The following TBC1D5 variants were observed in gnomAD, a reference collection of about 807,000 sequenced individuals.
The protein encoded by TBC1D5 is TBC1 domain family, member 5.
Under a neutral mutation model 100.3 loss-of-function variants are expected in TBC1D5, and 75 were observed. The ratio of observed to expected loss-of-function variants is 0.75; its 90% CI spans 0.62 to 0.91. TBC1D5 has a LOEUF of 0.91. Among genes scored for constraint, TBC1D5 ranks in the 40% least tolerant of loss-of-function variants. The pLI is 0.00. For synonymous variants in TBC1D5, 323 were observed against 325.6 expected (o/e 0.99, Z 0.09); for missense variants, 910 against 942.4 (o/e 0.97, Z 0.45).
intron 2 of TBC1D5, among the ~76,000 whole-genome samples, chr3:17,611,363 A>G (rs1404617031): frequency 6.6e-6 from 1 of 152,172 alleles, no homozygotes; most frequent in Non-Finnish European, 1.5e-5. Flanking sequence ...GTGTTTAAAG[A>G]TCTAGAACAA....
At chr3:17,300,734 G>C (rs1054356733) in intron 14 of TBC1D5, among the ~76,000 whole-genome samples, 5 of 152,312 alleles carry the variant, frequency 3.3e-5, no homozygotes, top group Admixed American at 2.6e-4. Context: ...CAAAGAGAAA[G>C]TACATTTAAA....
At chr3:17,400,502 A>C (rs751370968) in intron 8 of TBC1D5, among the ~76,000 whole-genome samples, 3 of 152,176 alleles carry the variant, frequency 2.0e-5, no homozygotes, top group Non-Finnish European at 2.9e-5. Context: ...GACTTAATCT[A>C]AATGTGGAGA....
intron 1 of TBC1D5, among the ~76,000 whole-genome samples, chr3:17,737,596 A>G (rs1342897930): frequency 6.6e-6 from 1 of 152,174 alleles, no homozygotes; most frequent in East Asian, 1.9e-4. Context: ...TACTGGATCT[A>G]ATACATGCAC....
chr3:17,381,073 G>A (rs1446732881), intron 9 of TBC1D5, among the ~76,000 whole-genome samples: 3 of 152,010 alleles, frequency 2.0e-5, no homozygotes, highest in African/African-American at 7.2e-5. Context: ...CATGTACAGG[G>A]AGTAATTAAA....
At position 17,379,013 on chromosome 3, in the gene TBC1D5, G is replaced by T. The variant is rs150490559; in HGVS notation, c.613-2400C>A. ...CAGGCTTTCACTGTGAAATACATTG[G>T]TTTGTATACTATTAACAATAACTGT... On this transcript the variant is annotated intron_variant, in intron 9 of 21. Transcript: ENST00000253692. Among the ~76,000 whole-genome samples, 10 of 151,014 alleles carry T rather than the reference G, an allele frequency of 6.6e-5. No homozygotes were observed. The East Asian group carries it at 1.7e-3, about 26-fold the overall frequency.
At chr3:17,195,357 C>T (rs767214274) in intron 18 of TBC1D5, among the ~76,000 whole-genome samples, 52 of 152,206 alleles carry the variant, frequency 3.4e-4, no homozygotes, top group Non-Finnish European at 6.2e-4. Flanking sequence ...CCCACTTACA[C>T]GTGATAAGAC....
intron 13 of TBC1D5, among the ~76,000 whole-genome samples, chr3:17,320,874 T>C (rs976280616): frequency 1.3e-5 from 2 of 152,246 alleles, no homozygotes; most frequent in African/African-American, 2.4e-5. Context: ...CCTGTGAATC[T>C]GTCTAATTAT....
intron 8 of TBC1D5, among the ~76,000 whole-genome samples, chr3:17,385,096 A>G (rs1256271291): frequency 6.6e-6 from 1 of 152,064 alleles, no homozygotes; most frequent in African/African-American, 2.4e-5. Context: ...TGCAACCCTG[A>G]GTGAATGATT....
intron 13 of TBC1D5, among the ~76,000 whole-genome samples, chr3:17,353,543 G>A (rs767909301): frequency 4.6e-5 from 7 of 151,980 alleles, no homozygotes; most frequent in Admixed American, 6.6e-5. Context: ...ATGTGAATGC[G>A]AAGCCATCAT....
chr3:17,722,484 A>T (rs1439718628), intron 1 of TBC1D5, among the ~76,000 whole-genome samples: 1 of 152,182 alleles, frequency 6.6e-6, no homozygotes, highest in African/African-American at 2.4e-5. Flanking sequence ...GTCAGGTTTG[A>T]TATTTTCCAC....
Position 17,227,656 on chromosome 3 carries a change from G to A in TBC1D5, c.1588+10507C>T, listed in dbSNP as rs776053157. Among the ~76,000 whole-genome samples the A allele has an allele frequency of 6.1e-4, 93 of 152,002 alleles. 3 individuals carry two copies. The highest frequency in any genetic ancestry group is 2.6e-4 in the Non-Finnish European group (18 of 67,966). ...AAGTGAGAGCTAATGATGAGAACAC[G>A]TGGACACAAAGAGGAGAACAACAGA... On this transcript the variant is annotated intron_variant, in intron 17 of 21. Coordinates refer to ENST00000253692, the Ensembl canonical transcript of TBC1D5.
intron 17 of TBC1D5, among the ~76,000 whole-genome samples, chr3:17,221,425 T>A (rs983361160): frequency 3.9e-5 from 6 of 152,098 alleles, no homozygotes; most frequent in Non-Finnish European, 7.4e-5. Context: ...CCTAATGCTA[T>A]CCCTCCCCTC....
At chr3:17,716,981 A>G (rs13076724) in intron 1 of TBC1D5, among the ~76,000 whole-genome samples, 76,031 of 151,994 alleles carry the variant, frequency 0.5, 20,549 homozygotes, top group East Asian at 0.94. Flanking sequence ...CCTGACTTCA[A>G]TAACATGGAC....
At chr3:17,530,158 C>T (rs1219031071) in intron 2 of TBC1D5, among the ~76,000 whole-genome samples, 1 of 150,276 alleles carries the variant, frequency 6.7e-6, no homozygotes, top group Non-Finnish European at 1.5e-5. Context: ...GAAGGAGAAT[C>T]ACTTGATCCC....
intron 2 of TBC1D5, among the ~76,000 whole-genome samples, chr3:17,607,815 C>T (rs1445320087): frequency 2.0e-5 from 3 of 152,140 alleles, no homozygotes; most frequent in Non-Finnish European, 4.4e-5. Flanking sequence ...GTTATTAAAA[C>T]ACTGCATTTT....
rs902710931 is a variant in TBC1D5 at position 17,406,532 on chromosome 3, T to C, written c.168-6A>G. The C allele has an allele frequency of 1.2e-6, 2 of 1,604,086 alleles. No homozygotes were observed. The highest frequency in any genetic ancestry group is 2.7e-5 in the African/African-American group (2 of 74,572). On this transcript the variant is annotated splice_polypyrimidine_tract_variant and splice_region_variant and intron_variant, in intron 4 of 21. Coordinates refer to ENST00000253692, the Ensembl canonical transcript of TBC1D5. ...ATAGTTCTTCCCATTCTTTCCTATA[T>C]GAAAGAAACCAAAGCATGAGAATCC...
intron 18 of TBC1D5, among the ~76,000 whole-genome samples, chr3:17,191,694 G>A (rs540046805): frequency 7.9e-5 from 12 of 152,142 alleles, no homozygotes; most frequent in African/African-American, 2.9e-4. Flanking sequence ...TTGGCTCACT[G>A]CAACCTCTGC....
At chr3:17,325,217 TA>T (rs1212167908) in intron 13 of TBC1D5, among the ~76,000 whole-genome samples, 2 of 141,078 alleles carry the variant, frequency 1.4e-5, no homozygotes, top group Non-Finnish European at 3.0e-5. Flanking sequence ...CTCCAACTGG[TA>T]AAAGAATAAA....
At chr3:17,698,730 A>G (rs867535609) in intron 1 of TBC1D5, among the ~76,000 whole-genome samples, 6 of 150,686 alleles carry the variant, frequency 4.0e-5, no homozygotes, top group Non-Finnish European at 8.9e-5. Flanking sequence ...AAAAGTGGGC[A>G]AAGGATATGA....
Sources: gnomAD v4.1 joint callset for allele counts (sites outside exome capture counted in the v4.1 genomes callset) on GRCh38, gnomAD v4.1.1 for gene constraint, MANE v1.5 for transcripts, NCBI Gene and HGNC (gene_info 2026-07-23, HGNC 2026-07-21) for gene names.